TEKT4: variants seen among roughly 807,000 people sequenced by gnomAD.
TEKT4 encodes the protein tektin-4.
Under a neutral mutation model 46.0 loss-of-function variants are expected in TEKT4, and 46 were observed. That is an observed-to-expected ratio of 1.00 (90% CI 0.79 to 1.28). TEKT4 has a LOEUF of 1.28. TEKT4 is among the 50% of genes most tolerant of loss of function. TEKT4 has a pLI of 0.00. For synonymous variants in TEKT4, 325 were observed against 265.8 expected, an observed-to-expected ratio of 1.22 and a Z score of -2.17; for missense variants, 790 against 622.9, an observed-to-expected ratio of 1.27 and a Z score of -2.85.
chr2:94,874,512 G>T lies in TEKT4; in HGVS notation c.714-264G>T, dbSNP rs1304205616. Among the ~76,000 whole-genome samples, 10 of 151,682 alleles carry T rather than the reference G, an allele frequency of 6.6e-5. No individual in the cohort carries two copies. In the East Asian group the frequency reaches 1.4e-3, roughly 21 times the overall value. On this transcript the variant is annotated intron_variant, in intron 3 of 5. Transcript: ENST00000295201. ...CAGAGGGGGCCTCCGGGGCAGCGGT[G>T]CTGGGAACGGGGTCGCGGGGGCACG...
chr2:94,873,498 C>G lies in TEKT4; in HGVS notation c.499-22C>G, dbSNP rs199834284. The G allele has an allele frequency of 5.0e-5, 80 of 1,611,858 alleles. 1 individual carries two copies. Among genetic ancestry groups the G allele is most frequent in the Non-Finnish European group, 6.4e-5 (75 of 1,179,948 alleles). On this transcript the variant is annotated intron_variant, in intron 1 of 5. Transcript: ENST00000295201. ...TCCTCACCAGGGACTGGCTCTGGTG[C>G]TCAGGGCGTCTCCTCCCTCAGGAAG... is the stretch of plus-strand genomic sequence containing the variant.
Position 94,874,006 on chromosome 2 carries a change from C to G in TEKT4, c.611C>G (p.Ser204Ter). 1 of 1,613,604 alleles carries G rather than the reference C, an allele frequency of 6.2e-7. No homozygotes were observed. The highest frequency in any genetic ancestry group is 8.5e-7 in the Non-Finnish European group (1 of 1,179,872). Residue 204 changes from serine to a stop codon, truncating the protein, a stop_gained, in exon 3 of 6, where the codon TCA becomes TGA. Coordinates refer to ENST00000295201, the MANE Select transcript of TEKT4 (RefSeq NM_144705.4). LOFTEE classifies it high-confidence loss of function. Reference protein sequence around the residue: ...EHKETCEMDWSDKMEAYNIDE... With the variant: ...EHKETCEMDW ...AAGGAGACCTGCGAGATGGACTGGT[C>G]AGACAAGATGGAGGCCTACAACATC...
At chr2:94,872,826 C>T in intron 1 of TEKT4, 1 of 1,289,440 alleles carries the variant, frequency 7.8e-7, no homozygotes, top group East Asian at 5.6e-5. Context: ...GGCCCTTCCC[C>T]CTGCACTCTC....
intron 1 of TEKT4, 75 bp from the exon 2 acceptor site, chr2:94,873,445 A>C: frequency 1.2e-6 from 2 of 1,607,610 alleles, no homozygotes; most frequent in South Asian, 1.1e-5. Context: ...GTGTTGACCA[A>C]GGCCTGCAGC....
At chr2:94,872,293 C>T (rs1243357523) in intron 1 of TEKT4, 3 of 624,016 alleles carry the variant, frequency 4.8e-6, no homozygotes, top group African/African-American at 1.8e-5. Flanking sequence ...TTTCTCCTCT[C>T]CTCCTCTAAT....
chr2:94,874,035 G>T lies in TEKT4; in HGVS notation c.640G>T (p.Glu214Ter), dbSNP rs545182832. Reference protein sequence around the residue: ...SDKMEAYNIDETCGRHHSQST... With the variant: ...SDKMEAYNID ...CAAGATGGAGGCCTACAACATCGAC[G>T]AGACCTGCGGGCGCCACCACAGCCA... The change falls in exon 3 of 6, where the codon GAG (glutamate) becomes TAG (stop). Residue 214 changes from glutamate (E) to a stop codon, truncating the protein, a stop_gained. Coordinates refer to ENST00000295201, the MANE Select transcript of TEKT4 (RefSeq NM_144705.4). LOFTEE classifies it high-confidence loss of function. 6.2e-7 allele frequency: 1 copy of T among 1,613,660 alleles called. No individual in the cohort carries two copies. The highest frequency in any genetic ancestry group is 1.7e-5 in the Admixed American group (1 of 60,010).
At chr2:94,875,540 T>C (rs1553396163) in intron 4 of TEKT4, 48 bp from the exon 5 acceptor site, 1 of 1,610,760 alleles carries the variant, frequency 6.2e-7, no homozygotes, top group South Asian at 1.1e-5. Context: ...GCGTTCTATA[T>C]ACCCGGGCAT....
intron 1 of TEKT4, 187 bp from the exon 2 acceptor site, chr2:94,873,333 C>A (rs1488826101): frequency 2.1e-6 from 3 of 1,447,214 alleles, no homozygotes; most frequent in Non-Finnish European, 1.8e-6. Flanking sequence ...ACTTACAACG[C>A]ACCAAGGAGA....
At chr2:94,874,686 G>T (rs1462654465) in intron 3 of TEKT4, 90 bp from the exon 4 acceptor site, 2 of 1,189,238 alleles carry the variant, frequency 1.7e-6, no homozygotes, top group Admixed American at 2.6e-5. Flanking sequence ...CCAGGAGCAT[G>T]GGGCGCGGAC....
chr2:94,872,653 C>CA (rs797032488), intron 1 of TEKT4: 126 of 411,138 alleles, frequency 3.1e-4, no homozygotes, highest in African/African-American at 2.5e-3. Context: ...TCTGACCTCT[C>CA]AGAGCCTGGG....
intron 1 of TEKT4, 149 bp downstream of exon 1, chr2:94,872,226 C>G (rs1553394886): frequency 2.8e-6 from 3 of 1,063,496 alleles, no homozygotes; most frequent in Admixed American, 5.8e-5. Context: ...CGAAATCTGG[C>G]CCCTTAGTGA....
Position 94,873,206 on chromosome 2 carries a change from A to G in TEKT4, c.499-314A>G, listed in dbSNP as rs189579420. ...GCTGTCCAGAGGCCAAGGGCAGGCC[A>G]ACGTTCCCAGGTGCACTGAGTGAGC... On this transcript the variant is annotated intron_variant, in intron 1 of 5. Coordinates refer to ENST00000295201, the MANE Select transcript of TEKT4 (RefSeq NM_144705.4). 5.9e-5 allele frequency: 74 copies of G among 1,263,428 alleles called. No homozygotes were observed. The East Asian group carries it at 2.9e-3, about 49-fold the overall frequency. 78.3% of individuals were successfully genotyped at this position (1,263,428 alleles called of 1,614,324 possible).
chr2:94,872,006 A>G lies in TEKT4; in HGVS notation c.427A>G (p.Asn143Asp). 6.3e-7 allele frequency: 1 copy of G among 1,595,106 alleles called. No homozygotes were observed. The highest frequency in any genetic ancestry group is 1.3e-5 in the African/African-American group (1 of 74,624). The change falls in exon 1 of 6, where the codon AAC becomes GAC. Residue 143 changes from asparagine (N) to aspartate (D), a missense_variant. Physicochemically the swap from Asn to Asp is conservative, Grantham distance 23 (BLOSUM62 1). Coordinates refer to ENST00000295201, the MANE Select transcript of TEKT4 (RefSeq NM_144705.4). ...TEVPFSITTD[N>D]LQCRERREHP... ...GGTGCCCTTCTCCATCACCACTGAC[A>G]ACCTGCAGTGCCGTGAGCGCCGCGA... is the stretch of plus-strand genomic sequence containing the variant.
chr2:94,872,531 TCTC>T (rs1553394965), intron 1 of TEKT4: 1 of 310,912 alleles, frequency 3.2e-6, no homozygotes, highest in African/African-American at 2.2e-5. Flanking sequence ...ACAGGTCCCC[TCTC>T]CTCCATGTCC....
chr2:94,876,771 C>T lies in TEKT4; in HGVS notation c.*2C>T, dbSNP rs782190301. ...CTGCAGCTGGCTGGCTACCAGTGAG[C>T]AGCGGCACGGTGCTTCCCCCCAGTC... On this transcript the variant is annotated 3_prime_UTR_variant, in exon 6 of 6. Coordinates refer to ENST00000295201, the MANE Select transcript of TEKT4 (RefSeq NM_144705.4). 2 of 1,604,052 alleles carry T rather than the reference C, an allele frequency of 1.2e-6. No individual in the cohort carries two copies. Among genetic ancestry groups the T allele is most frequent in the East Asian group, 2.2e-5 (1 of 44,852 alleles).
chr2:94,873,795 C>G (rs1235449991), intron 2 of TEKT4, among the ~76,000 whole-genome samples, 170 bp from the exon 3 acceptor site: 1 of 152,134 alleles, frequency 6.6e-6, no homozygotes, highest in Non-Finnish European at 1.5e-5. Flanking sequence ...TCTGCAGCCT[C>G]CCAGCCTGGG....
rs1220560991 is a variant in TEKT4, at chr2:94,875,494, C to A, written c.937-94C>A. Reference sequence around the variant, plus strand: ...ACTGGTCAGGACTGCCCTCTGGACACAGCCCCAAGACCTGGGTAGGACCAG... The same window carrying A: ...ACTGGTCAGGACTGCCCTCTGGACAAAGCCCCAAGACCTGGGTAGGACCAG... On this transcript the variant is annotated intron_variant, in intron 4 of 5. Transcript: ENST00000295201. The A allele has an allele frequency of 7.6e-6, 12 of 1,569,536 alleles. No individual in the cohort carries two copies. In the African/African-American group the frequency reaches 1.6e-4, roughly 21 times the overall value.
chr2:94,876,040 C>T (rs1680837849), intron 5 of TEKT4, among the ~76,000 whole-genome samples: 1 of 152,218 alleles, frequency 6.6e-6, no homozygotes, highest in African/African-American at 2.4e-5. Flanking sequence ...ACAAGGTGAG[C>T]TCCAGGAGGC....
At chr2:94,874,618 C>T (rs1553395736) in intron 3 of TEKT4, among the ~76,000 whole-genome samples, 158 bp from the exon 4 acceptor site, 1 of 151,966 alleles carries the variant, frequency 6.6e-6, no homozygotes, top group East Asian at 1.9e-4. Context: ...GGGCAGGGAG[C>T]CTGAGGGACT....
Sources: allele counts gnomAD v4.1 joint callset (sites outside exome capture counted in the v4.1 genomes callset), GRCh38; gene constraint gnomAD v4.1.1; transcripts MANE v1.5; gene names NCBI Gene and HGNC (gene_info 2026-07-23, HGNC 2026-07-21).